Variants in ARHGAP44 observed in about 807,000 individuals in gnomAD.
ARHGAP44 encodes Rho GTPase activating protein 44, also known as rho GTPase-activating protein 44.
In ARHGAP44, 43 loss-of-function variants were observed where a neutral mutation model predicts 106.8. That is an observed-to-expected ratio of 0.40 (90% CI 0.32 to 0.52). The LOEUF (loss-of-function observed/expected upper bound fraction) is 0.52. Ranked by LOEUF, ARHGAP44 falls within the 20% of genes least tolerant of loss-of-function variation. The pLI is 0.48. For synonymous variants in ARHGAP44, 439 were observed against 410.3 expected, an observed-to-expected ratio of 1.07 and a Z score of -0.85; for missense variants, 866 against 1,050.5, an observed-to-expected ratio of 0.82 and a Z score of 2.43.
At chr17:12,809,394 A>G (rs895807294) in intron 1 of ARHGAP44, among the ~76,000 whole-genome samples, 3 of 152,226 alleles carry the variant, frequency 2.0e-5, no homozygotes, top group African/African-American at 7.2e-5. Context: ...ACAGTTCCAC[A>G]TGACTGGGGA....
intron 1 of ARHGAP44, among the ~76,000 whole-genome samples, chr17:12,849,366 T>C (rs2150844524): frequency 6.6e-6 from 1 of 152,218 alleles, no homozygotes; most frequent in South Asian, 2.1e-4. Flanking sequence ...CTTTCCAGCC[T>C]GACCCGTACC....
chr17:12,947,214 G>T (rs1207904237), intron 10 of ARHGAP44, among the ~76,000 whole-genome samples: 8 of 152,154 alleles, frequency 5.3e-5, no homozygotes, highest in Non-Finnish European at 8.8e-5. Flanking sequence ...CTGTCACTGG[G>T]CTAAAACTGT....
At chr17:12,813,048 C>A (rs912704493) in intron 1 of ARHGAP44, among the ~76,000 whole-genome samples, 7 of 152,208 alleles carry the variant, frequency 4.6e-5, no homozygotes, top group African/African-American at 7.2e-5. Context: ...CATTACTTCT[C>A]ACTGTTGGCC....
intron 1 of ARHGAP44, among the ~76,000 whole-genome samples, chr17:12,824,125 A>C (rs967049769): frequency 6.6e-6 from 1 of 151,880 alleles, no homozygotes; most frequent in Non-Finnish European, 1.5e-5. Flanking sequence ...CTCGTGGATC[A>C]CTCTACAGTG....
intron 1 of ARHGAP44, chr17:12,790,596 CG>C (rs1372669133): frequency 6.6e-6 from 1 of 152,396 alleles, no homozygotes; most frequent in Non-Finnish European, 1.5e-5. Context: ...AGCAGAGAAT[CG>C]CAGCCAGGTA....
intron 20 of ARHGAP44, chr17:12,987,341 C>A: frequency 2.0e-6 from 1 of 501,856 alleles, no homozygotes; most frequent in Non-Finnish European, 3.5e-6. Context: ...GCATCCCTGG[C>A]CTCCTTTTCT....
At chr17:12,889,746 A>G (rs936097764) in intron 1 of ARHGAP44, among the ~76,000 whole-genome samples, 44 of 152,332 alleles carry the variant, frequency 2.9e-4, no homozygotes, top group African/African-American at 9.6e-4. Context: ...GATTCAAGGT[A>G]CAATTCTTCC....
chr17:12,968,180 A>G (rs1859968), intron 16 of ARHGAP44, among the ~76,000 whole-genome samples: 26,999 of 152,152 alleles, frequency 0.18, 2,573 homozygotes, highest in Admixed American at 0.24. Flanking sequence ...TTTCCCACTG[A>G]TGAGGCGTCC....
intron 1 of ARHGAP44, among the ~76,000 whole-genome samples, chr17:12,882,924 T>C (rs2036781341): frequency 1.3e-5 from 2 of 152,038 alleles, no homozygotes; most frequent in African/African-American, 4.8e-5. Context: ...TGCACTGTGT[T>C]ACTTCTTTTT....
intron 1 of ARHGAP44, among the ~76,000 whole-genome samples, chr17:12,856,035 T>C (rs2035900973): frequency 6.6e-6 from 1 of 152,238 alleles, no homozygotes; most frequent in African/African-American, 2.4e-5. Context: ...TTCTTAGTGA[T>C]GCTACACCCT....
In ARHGAP44 at chr17:12,958,799, A is replaced by G; in HGVS notation, c.1425A>G (p.Pro475=). 2.5e-6 allele frequency: 4 copies of G among 1,612,954 alleles called. No individual in the cohort carries two copies. The highest frequency in any genetic ancestry group is 2.2e-5 in the East Asian group (1 of 44,852). ...HNANYSSMPS[P]DMDPADRRQP... ...CCAACTACAGCTCAATGCCCTCCCC[A>G]GACATGGACCCTGCTGACCGGCGCC... is the stretch of plus-strand genomic sequence containing the variant. Residue 475 remains proline (P), a synonymous_variant, in exon 16 of 21, where the codon CCA becomes CCG. Transcript: ENST00000379672. The surrounding 1 kb of genome is among the most constrained non-coding windows in gnomAD (Gnocchi z 4.1).
chr17:12,868,770 G>T (rs907472689), intron 1 of ARHGAP44, among the ~76,000 whole-genome samples: 5 of 150,942 alleles, frequency 3.3e-5, no homozygotes, highest in Non-Finnish European at 5.9e-5. Context: ...CAGTTCTCCT[G>T]CCTCAGCCTC....
chr17:12,886,129 T>C lies in ARHGAP44; in HGVS notation c.54-8811T>C, dbSNP rs1345155725. On this transcript the variant is annotated intron_variant, in intron 1 of 20. Transcript: ENST00000379672. ...CATTGAATTGCCTTTGTGCCTTTTT[T>C]AGAGACCACTGATCATATTTGTCTA... is the stretch of plus-strand genomic sequence containing the variant. Among the ~76,000 whole-genome samples the C allele has an allele frequency of 3.3e-5, 5 of 152,250 alleles. No homozygotes were observed. The East Asian group carries it at 9.6e-4, about 29-fold the overall frequency.
chr17:12,970,200 TA>T (rs111486080), intron 16 of ARHGAP44, among the ~76,000 whole-genome samples: 1 of 151,396 alleles, frequency 6.6e-6, no homozygotes, highest in Non-Finnish European at 1.5e-5. Context: ...AACTCATCTC[TA>T]AAAAAATTAT....
At chr17:12,973,805 G>A in intron 17 of ARHGAP44, 1 of 562,042 alleles carries the variant, frequency 1.8e-6, no homozygotes, top group Non-Finnish European at 3.2e-6. Context: ...GCAGAGGGTT[G>A]AAGCACAGCT....
intron 1 of ARHGAP44, among the ~76,000 whole-genome samples, chr17:12,818,335 GAAA>G (rs376432420): frequency 4.4e-5 from 4 of 91,696 alleles, no homozygotes; most frequent in South Asian, 3.5e-4. Context: ...ATCTGGAAAA[GAAA>G]AAAAAAAAAA....
At chr17:12,823,564 C>T (rs2034835695) in intron 1 of ARHGAP44, among the ~76,000 whole-genome samples, 1 of 152,132 alleles carries the variant, frequency 6.6e-6, no homozygotes, top group African/African-American at 2.4e-5. Flanking sequence ...GCTATTCTTT[C>T]TCTATCCTTC....
At position 12,990,079 on chromosome 17, in the gene ARHGAP44, A is replaced by C. The variant is rs1024912403; in HGVS notation, c.2365A>C (p.Thr789Pro). The C allele has an allele frequency of 6.2e-7, 1 of 1,612,614 alleles. No individual in the cohort carries two copies. The highest frequency in any genetic ancestry group is 8.5e-7 in the Non-Finnish European group (1 of 1,179,126). Residue 789 changes from threonine (T) to proline (P), a missense_variant, in exon 21 of 21, where the codon ACG becomes CCG. Physicochemically the swap from Thr to Pro is conservative, Grantham distance 38. Around this residue, in one of 2 missense-constraint regions of ARHGAP44, gnomAD observed 418 missense variants for 403.6 expected, o/e 1.04. Transcript: ENST00000379672. ...CTCGATCCACATAGAGCTCGGGTCG[A>C]CGCTCCGCCTGAGTCCCCTGGAGCA... ...IPSIHIELGSTLRLSPLEHMR... is the reference protein window; with the variant it reads ...IPSIHIELGSPLRLSPLEHMR...
chr17:12,899,205 G>A (rs1035436923), intron 3 of ARHGAP44, among the ~76,000 whole-genome samples: 15 of 152,192 alleles, frequency 9.9e-5, no homozygotes, highest in Non-Finnish European at 1.6e-4. Flanking sequence ...TCTTGACCTC[G>A]TGATCTGCCC....
Sources: gnomAD v4.1 joint callset for allele counts (sites outside exome capture counted in the v4.1 genomes callset) on GRCh38, gnomAD v4.1.1 for gene constraint, gnomAD v4.1.1 regional missense constraint, Gnocchi (gnomAD v3.1) non-coding constraint, MANE v1.5 for transcripts, NCBI Gene and HGNC (gene_info 2026-07-23, HGNC 2026-07-21) for gene names.